Variants in VDAC1 observed in about 807,000 individuals in gnomAD.
VDAC1 encodes voltage dependent anion channel 1.
In VDAC1, 10 loss-of-function variants were observed where a neutral mutation model predicts 34.7. The observed-to-expected ratio is 0.29, with a 90% CI of 0.18 to 0.49. The LOEUF is 0.49. Ranked by LOEUF, VDAC1 falls within the 20% of genes least tolerant of loss-of-function variation. The pLI is 0.99. For synonymous variants in VDAC1, 130 were observed against 136.0 expected (o/e 0.96, Z 0.30); for missense variants, 230 against 347.9 (o/e 0.66, Z 2.69).
rs1752311616 is a variant in VDAC1 at position 133,971,988 on chromosome 5, A to G, written c.*783T>C. 6.5e-6 allele frequency: 1 copy of G among 152,688 alleles called. No homozygotes were observed. The highest frequency in any genetic ancestry group is 1.5e-5 in the Non-Finnish European group (1 of 68,054). 9.5% of individuals were successfully genotyped at this position (152,688 alleles called of 1,614,324 possible). On this transcript the variant is annotated 3_prime_UTR_variant, in exon 9 of 9. Transcript: ENST00000265333. ...CATTTGAAGGGGAGGATCTAATTCC[A>G]ACAAAATGGAAGACTCTAAAATGTA... is the stretch of plus-strand genomic sequence containing the variant.
chr5:134,105,930 T>C, the VDAC1 span, among the ~76,000 whole-genome samples: 2 of 152,238 alleles, frequency 1.3e-5, no homozygotes, highest in Admixed American at 1.3e-4. Context: ...ACTCAGCAAA[T>C]TAGTCAGAGG....
At chr5:133,987,073 T>C (rs1267181505) in intron 5 of VDAC1, among the ~76,000 whole-genome samples, 1 of 152,206 alleles carries the variant, frequency 6.6e-6, no homozygotes, top group Non-Finnish European at 1.5e-5. Flanking sequence ...AAATTACCAT[T>C]TGAGGCCAGG....
chr5:134,072,862 C>T, the VDAC1 span, among the ~76,000 whole-genome samples: 4 of 152,210 alleles, frequency 2.6e-5, no homozygotes, highest in African/African-American at 7.2e-5. Context: ...AAGACCTTCT[C>T]TGGGGATGTG....
At chr5:133,993,660 C>T (rs980786125) in intron 1 of VDAC1, among the ~76,000 whole-genome samples, 1 of 152,316 alleles carries the variant, frequency 6.6e-6, no homozygotes, top group East Asian at 1.9e-4. Context: ...AACCCAAATA[C>T]ATCCTCCAAA....
the VDAC1 span, among the ~76,000 whole-genome samples, chr5:134,113,562 G>C: frequency 6.6e-6 from 1 of 152,230 alleles, no homozygotes; most frequent in Admixed American, 6.5e-5. Context: ...ACTGCTCTCA[G>C]AAGAGGCGTG....
chr5:133,996,873 TG>T (rs1753336660), intron 1 of VDAC1, among the ~76,000 whole-genome samples: 1 of 152,002 alleles, frequency 6.6e-6, no homozygotes. Flanking sequence ...GTGGGGGAGT[TG>T]GGGAGACCCT....
chr5:134,097,650 C>T, the VDAC1 span, among the ~76,000 whole-genome samples: 2 of 152,146 alleles, frequency 1.3e-5, no homozygotes, highest in Admixed American at 6.5e-5. Context: ...CCCTCACCCA[C>T]GGTGGAGGGG....
At chr5:134,041,441 G>C in the VDAC1 span, among the ~76,000 whole-genome samples, 1 of 152,178 alleles carries the variant, frequency 6.6e-6, no homozygotes, top group African/African-American at 2.4e-5. Context: ...ATGGGTCTGG[G>C]GCTAGAGAAG....
chr5:134,064,159 A>G, the VDAC1 span, among the ~76,000 whole-genome samples: 16 of 151,998 alleles, frequency 1.1e-4, no homozygotes, highest in African/African-American at 3.4e-4. Context: ...CATATAGACA[A>G]TCATGGCATC....
At chr5:134,033,785 G>A in the VDAC1 span, among the ~76,000 whole-genome samples, 1 of 151,858 alleles carries the variant, frequency 6.6e-6, no homozygotes, top group Non-Finnish European at 1.5e-5. Context: ...GAGGTCAGCA[G>A]ATCGAGACCA....
intron 8 of VDAC1, 125 bp from the exon 9 acceptor site, chr5:133,972,987 T>C: frequency 1.4e-6 from 1 of 722,404 alleles, no homozygotes; most frequent in Non-Finnish European, 2.4e-6. Flanking sequence ...TACATGGCCC[T>C]TCAATCCTTG....
At chr5:133,996,863 G>C (rs1306626603) in intron 1 of VDAC1, among the ~76,000 whole-genome samples, 1 of 152,160 alleles carries the variant, frequency 6.6e-6, no homozygotes, top group Non-Finnish European at 1.5e-5. Flanking sequence ...ATCACCAAGA[G>C]TGGGGGAGTT....
intron 1 of VDAC1, among the ~76,000 whole-genome samples, chr5:133,993,610 A>G (rs1366193657): frequency 3.3e-5 from 5 of 152,250 alleles, no homozygotes; most frequent in Non-Finnish European, 7.3e-5. Flanking sequence ...TAGAGAATAC[A>G]GTAAAACCAA....
the VDAC1 span, among the ~76,000 whole-genome samples, chr5:134,021,667 G>C: frequency 7.2e-5 from 11 of 152,096 alleles, no homozygotes; most frequent in Admixed American, 2.0e-4. Context: ...TTCCAGCTTA[G>C]AGTGTAGAAA....
the VDAC1 span, among the ~76,000 whole-genome samples, chr5:134,029,693 A>G: frequency 6.6e-6 from 1 of 152,246 alleles, no homozygotes; most frequent in Non-Finnish European, 1.5e-5. Context: ...CCATTTATGT[A>G]ACATTCTTGA....
At chr5:134,098,353 A>T in the VDAC1 span, among the ~76,000 whole-genome samples, 1 of 144,818 alleles carries the variant, frequency 6.9e-6, no homozygotes, top group African/African-American at 2.8e-5. Context: ...ACCCACCACC[A>T]TGCTGGGATT....
upstream of VDAC1, among the ~76,000 whole-genome samples, chr5:134,007,033 C>T (rs1003696576): frequency 5.9e-5 from 9 of 151,838 alleles, no homozygotes; most frequent in Non-Finnish European, 1.2e-4. Context: ...CACCTGAGGT[C>T]GGGAGTTCGA....
the VDAC1 span, among the ~76,000 whole-genome samples, chr5:134,052,115 G>A: frequency 2.0e-5 from 3 of 152,172 alleles, no homozygotes; most frequent in Non-Finnish European, 4.4e-5. Flanking sequence ...CTCCACCAGC[G>A]GGAAAGGAAG....
At chr5:134,024,897 CCAG>C in the VDAC1 span, among the ~76,000 whole-genome samples, 1 of 152,232 alleles carries the variant, frequency 6.6e-6, no homozygotes, top group Non-Finnish European at 1.5e-5. Context: ...TACCCCCTAG[CCAG>C]CTGAGCTACC....
Sources: allele counts gnomAD v4.1 joint callset (sites outside exome capture counted in the v4.1 genomes callset), GRCh38; gene constraint gnomAD v4.1.1; transcripts MANE v1.5; gene names NCBI Gene and HGNC (gene_info 2026-07-23, HGNC 2026-07-21).